The following SBF2 variants were observed in gnomAD, a reference collection of about 807,000 sequenced individuals.
SBF2 encodes the protein SET binding factor 2.
In SBF2, 112 loss-of-function variants were observed where a neutral mutation model predicts 225.2. That is an observed-to-expected ratio of 0.50 (90% CI 0.43 to 0.58). The LOEUF is 0.58. SBF2 is among the 20% of genes least tolerant of loss of function. The pLI, the probability that SBF2 is intolerant of heterozygous loss-of-function variation, is 0.00. For missense variants in SBF2, 1,996 were observed against 2,206.2 expected (o/e 0.90, Z 1.91); for synonymous variants, 763 against 773.3 (o/e 0.99, Z 0.22).
intron 17 of SBF2, among the ~76,000 whole-genome samples, chr11:9,873,480 C>A (rs571525515): frequency 3.9e-5 from 6 of 152,240 alleles, no homozygotes; most frequent in Admixed American, 3.3e-4. Flanking sequence ...TAAACAGAAG[C>A]AGCAGCCAGG....
intron 2 of SBF2, among the ~76,000 whole-genome samples, chr11:10,079,719 CA>C (rs1951282001): frequency 6.6e-6 from 1 of 152,028 alleles, no homozygotes; most frequent in Non-Finnish European, 1.5e-5. Context: ...TCCAGATATT[CA>C]AATACAAGAG....
chr11:9,897,237 T>C (rs1436581210), intron 16 of SBF2, among the ~76,000 whole-genome samples: 3 of 150,792 alleles, frequency 2.0e-5, no homozygotes, highest in African/African-American at 7.3e-5. Context: ...GACATTATGT[T>C]AGATAATTTT....
chr11:10,062,544 A>G (rs1050201025), intron 2 of SBF2, among the ~76,000 whole-genome samples: 6 of 152,214 alleles, frequency 3.9e-5, no homozygotes, highest in Admixed American at 2.0e-4. Flanking sequence ...TGAACAGACC[A>G]TTTTAAAAAA....
At chr11:10,050,972 TA>T (rs1950041148) in intron 2 of SBF2, among the ~76,000 whole-genome samples, 1 of 152,042 alleles carries the variant, frequency 6.6e-6, no homozygotes, top group African/African-American at 2.4e-5. Context: ...GCAGATCTAT[TA>T]AATGAGCAGT....
intron 1 of SBF2, among the ~76,000 whole-genome samples, chr11:10,252,234 G>A (rs1960423476): frequency 6.6e-6 from 1 of 152,210 alleles, no homozygotes; most frequent in East Asian, 1.9e-4. Flanking sequence ...AATGGTGATA[G>A]TGACATCAAT....
chr11:9,801,257 C>A (rs928295487), intron 32 of SBF2, among the ~76,000 whole-genome samples: 1 of 152,162 alleles, frequency 6.6e-6, no homozygotes. Flanking sequence ...GACTAAACTG[C>A]ATGAAGCATT....
intron 6 of SBF2, among the ~76,000 whole-genome samples, chr11:10,027,986 T>G (rs758508569): frequency 6.6e-6 from 1 of 152,168 alleles, no homozygotes; most frequent in African/African-American, 2.4e-5. Flanking sequence ...CATAGCTCAT[T>G]GCAGTCTTGA....
intron 2 of SBF2, among the ~76,000 whole-genome samples, chr11:10,053,498 A>C (rs1950133311): frequency 6.6e-6 from 1 of 152,210 alleles, no homozygotes; most frequent in Admixed American, 6.5e-5. Flanking sequence ...TGATTTGTGA[A>C]TAAAGTAACA....
intron 13 of SBF2, among the ~76,000 whole-genome samples, chr11:9,979,991 T>C (rs1156253443): frequency 6.6e-6 from 1 of 151,806 alleles, no homozygotes; most frequent in Non-Finnish European, 1.5e-5. Flanking sequence ...TGTAATTTTT[T>C]TTTTTTTCAA....
intron 4 of SBF2, 95 bp downstream of exon 4, chr11:10,030,953 T>C: frequency 9.3e-7 from 1 of 1,080,496 alleles, no homozygotes; most frequent in East Asian, 2.4e-5. Flanking sequence ...TAAATCAATC[T>C]AACAATATTT....
rs767088494 is a variant in SBF2 at position 9,992,444 on chromosome 11, G to A, written c.1267C>T (p.Pro423Ser). ...TCAAAGAGATCACAAGATCTATAAG[G>A]AGGACCTCTTTCTGAAACAAAACCT... ...FAGFVSERGP[P>S]YRSCDLFDEL... Residue 423 changes from proline (P) to serine (S), a missense_variant, in exon 12 of 40, where the codon CCT becomes TCT. Transcript: ENST00000256190. The A allele has an allele frequency of 1.2e-6, 2 of 1,612,886 alleles. No individual in the cohort carries two copies.
At chr11:10,152,782 G>T (rs1023333492) in intron 2 of SBF2, among the ~76,000 whole-genome samples, 2 of 152,082 alleles carry the variant, frequency 1.3e-5, no homozygotes, top group Non-Finnish European at 2.9e-5. Context: ...TCTGACTAAG[G>T]GAATTAAAAA....
At chr11:10,189,671 A>G (rs1957081568) in intron 2 of SBF2, among the ~76,000 whole-genome samples, 2 of 152,240 alleles carry the variant, frequency 1.3e-5, no homozygotes, top group African/African-American at 4.8e-5. Context: ...CATTAAAGTT[A>G]GAAATTCTAA....
At chr11:10,050,084 G>C (rs1213179612) in intron 2 of SBF2, among the ~76,000 whole-genome samples, 1 of 152,140 alleles carries the variant, frequency 6.6e-6, no homozygotes, top group African/African-American at 2.4e-5. Flanking sequence ...TCTCATAGAA[G>C]TCTGTCATTC....
intron 28 of SBF2, among the ~76,000 whole-genome samples, chr11:9,827,156 G>C (rs890279261): frequency 6.6e-6 from 1 of 152,064 alleles, no homozygotes; most frequent in Non-Finnish European, 1.5e-5. Context: ...ATCTTTTTAA[G>C]GGAATTCATC....
chr11:10,021,957 A>C (rs934839652), intron 6 of SBF2, among the ~76,000 whole-genome samples: 1 of 152,194 alleles, frequency 6.6e-6, no homozygotes, highest in African/African-American at 2.4e-5. Flanking sequence ...TCCCAGAAAA[A>C]AGTGAATTTA....
intron 2 of SBF2, among the ~76,000 whole-genome samples, chr11:10,152,743 T>C (rs569083151): frequency 6.0e-4 from 92 of 152,118 alleles, no homozygotes; most frequent in Non-Finnish European, 1.1e-3. Flanking sequence ...AAGAAACATA[T>C]AAATGGTGAA....
intron 6 of SBF2, among the ~76,000 whole-genome samples, chr11:10,027,257 G>A (rs907354064): frequency 6.6e-6 from 1 of 152,176 alleles, no homozygotes; most frequent in Admixed American, 6.5e-5. Context: ...GGCATGAGAA[G>A]AGGCAAATGT....
intron 2 of SBF2, among the ~76,000 whole-genome samples, chr11:10,179,496 T>C (rs1200607351): frequency 1.3e-5 from 2 of 152,176 alleles, no homozygotes; most frequent in Non-Finnish European, 2.9e-5. Context: ...ATATATTCTG[T>C]AGCTGCTGGA....
Sources: gnomAD v4.1 joint callset for allele counts (sites outside exome capture counted in the v4.1 genomes callset) on GRCh38, gnomAD v4.1.1 for gene constraint, MANE v1.5 for transcripts, NCBI Gene and HGNC (gene_info 2026-07-23, HGNC 2026-07-21) for gene names.